The following KIAA1549 variants were observed in gnomAD, a reference collection of about 807,000 sequenced individuals.
The protein encoded by KIAA1549 is UPF0606 protein KIAA1549.
A neutral mutation model predicts 156.4 loss-of-function variants in KIAA1549; 70 were observed. The ratio of observed to expected loss-of-function variants is 0.45; its 90% CI spans 0.37 to 0.55. The LOEUF (loss-of-function observed/expected upper bound fraction) is 0.55. Among genes scored for constraint, KIAA1549 ranks in the 20% least tolerant of loss-of-function variants. The pLI is 0.00. For synonymous variants in KIAA1549, 1,103 were observed against 1,066.4 expected, an observed-to-expected ratio of 1.03 and a Z score of -0.67; for missense variants, 2,428 against 2,540.9, an observed-to-expected ratio of 0.96 and a Z score of 0.96.
intron 1 of KIAA1549, among the ~76,000 whole-genome samples, chr7:138,943,576 G>A (rs142633705): frequency 6.0e-4 from 92 of 152,244 alleles, no homozygotes; most frequent in African/African-American, 2.1e-3. Flanking sequence ...CTCGCCAGGC[G>A]CAGTGGCTCA....
chr7:138,917,277 C>T lies in KIAA1549; in HGVS notation c.2349G>A (p.Gly783=). The T allele has an allele frequency of 1.2e-6, 2 of 1,613,870 alleles. No individual in the cohort carries two copies. Among genetic ancestry groups the T allele is most frequent in the Non-Finnish European group, 1.7e-6 (2 of 1,179,826 alleles). ...GSESFDILTA[G]IQATSPLTTV... Reference sequence around the variant, plus strand: ...TGGTCAATGGTGATGTTGCTTGAATCCCGGCAGTCAAAATGTCAAAAGACT... The same window carrying T: ...TGGTCAATGGTGATGTTGCTTGAATTCCGGCAGTCAAAATGTCAAAAGACT... The change falls in exon 2 of 20, where the codon GGG becomes GGA. Residue 783 remains glycine, a synonymous_variant. Transcript: ENST00000422774.
intron 8 of KIAA1549, among the ~76,000 whole-genome samples, chr7:138,900,687 G>A (rs771439722): frequency 1.3e-5 from 2 of 152,286 alleles, no homozygotes; most frequent in East Asian, 1.9e-4. Context: ...TGCTGTCCTC[G>A]AGGTAATGAG....
Position 138,917,684 on chromosome 7 carries a change from G to C in KIAA1549, c.1942C>G (p.Leu648Val). ...GACAAGTCACTCGGCATCAGAGACA[G>C]AGACGCAGGTGCTTCCGAAGGCGAA... Reference protein sequence around the residue: ...ISSPSEAPASLSLMPSDLSPF... With the variant: ...ISSPSEAPASVSLMPSDLSPF... Residue 648 changes from leucine to valine, a missense_variant, in exon 2 of 20, where the codon CTG becomes GTG. Physicochemically the swap from Leu to Val is conservative, Grantham distance 32. This residue lies in a region of KIAA1549 where 893 missense variants were observed against 847.9 expected (regional missense o/e 1.05). Coordinates refer to ENST00000422774, the MANE Select transcript of KIAA1549 (RefSeq NM_001164665.2). 6.2e-7 allele frequency: 1 copy of C among 1,610,318 alleles called. No homozygotes were observed.
intron 1 of KIAA1549, among the ~76,000 whole-genome samples, chr7:138,929,570 G>A (rs1812814570): frequency 6.6e-6 from 1 of 152,046 alleles, no homozygotes; most frequent in African/African-American, 2.4e-5. Flanking sequence ...TATTCTTTAT[G>A]GCATCTAGAA....
At chr7:138,843,323 C>G (rs1337743046) in intron 18 of KIAA1549, among the ~76,000 whole-genome samples, 3 of 152,148 alleles carry the variant, frequency 2.0e-5, no homozygotes, top group African/African-American at 7.2e-5. Flanking sequence ...AATTTAAAAA[C>G]TGGACCTTTT....
Position 138,836,256 on chromosome 7 carries a change from TA to T in KIAA1549, c.*1649del, listed in dbSNP as rs916425109. On this transcript the variant is annotated 3_prime_UTR_variant, in exon 20 of 20. Transcript: ENST00000422774. ...AGATTATAAAATTGTATTTTTACCA[TA>T]CCTTTTCTATGTTTAGCTATGTTTA... is the stretch of plus-strand genomic sequence containing the variant. 1.2e-4 allele frequency: 24 copies of T among 203,212 alleles called. No homozygotes were observed. The highest frequency in any genetic ancestry group is 2.1e-4 in the Non-Finnish European group (21 of 99,004). 12.6% of individuals were successfully genotyped at this position (203,212 alleles called of 1,614,324 possible).
intron 16 of KIAA1549, among the ~76,000 whole-genome samples, chr7:138,854,088 A>G (rs1810309718): frequency 6.6e-6 from 1 of 152,230 alleles, no homozygotes; most frequent in Non-Finnish European, 1.5e-5. Flanking sequence ...AAAATGACAG[A>G]CAGAATTTCT....
chr7:138,917,976 T>C lies in KIAA1549; in HGVS notation c.1650A>G (p.Pro550=), dbSNP rs768614013. 1 of 1,593,342 alleles carries C rather than the reference T, an allele frequency of 6.3e-7. No homozygotes were observed. ...SLSVAETQVT[P]SSVTTAFFSV... ...AGAAAAATGCAGTGGTCACGCTGGA[T>C]GGCGTCACTTGGGTTTCAGCAACAG... Residue 550 remains proline, a synonymous_variant, in exon 2 of 20, where the codon CCA becomes CCG. Coordinates refer to ENST00000422774, the MANE Select transcript of KIAA1549 (RefSeq NM_001164665.2).
At chr7:138,958,540 C>A (rs1320068575) in intron 1 of KIAA1549, among the ~76,000 whole-genome samples, 1 of 152,164 alleles carries the variant, frequency 6.6e-6, no homozygotes, top group African/African-American at 2.4e-5. Flanking sequence ...TATATAACTT[C>A]CCAGCTGTAA....
intron 11 of KIAA1549, among the ~76,000 whole-genome samples, chr7:138,880,368 C>A (rs1474071423): frequency 6.6e-6 from 1 of 152,162 alleles, no homozygotes. Flanking sequence ...ATTAAATAAT[C>A]TTCAATGATT....
chr7:138,929,541 GTCTC>G (rs1812814301), intron 1 of KIAA1549, among the ~76,000 whole-genome samples: 1 of 152,112 alleles, frequency 6.6e-6, no homozygotes, highest in African/African-American at 2.4e-5. Flanking sequence ...TATTTTGGCT[GTCTC>G]TCATAAATCA....
chr7:138,858,179 G>C (rs1384539309), intron 16 of KIAA1549, among the ~76,000 whole-genome samples: 3 of 151,692 alleles, frequency 2.0e-5, no homozygotes. Flanking sequence ...GGAGTGCAGT[G>C]GTGCAATCAT....
At position 138,917,705 on chromosome 7, in the gene KIAA1549, G is replaced by A. The variant is rs762310770; in HGVS notation, c.1921C>T (p.Pro641Ser). ...GACAGAGACGCAGGTGCTTCCGAAG[G>A]CGAAGAGATGGAGCCGCTGAGTTCC... ...PLELSGSISS[P>S]SEAPASLSLM... Residue 641 changes from proline to serine, a missense_variant, in exon 2 of 20, where the codon CCT (proline) becomes TCT (serine). Coordinates refer to ENST00000422774, the MANE Select transcript of KIAA1549 (RefSeq NM_001164665.2). The A allele has an allele frequency of 1.2e-5, 20 of 1,602,802 alleles. No homozygotes were observed. In the South Asian group the frequency reaches 2.0e-4, roughly 16 times the overall value.
At position 138,917,992 on chromosome 7, in the gene KIAA1549, T is replaced by G. The variant is rs757417143; in HGVS notation, c.1634A>C (p.Glu545Ala). 6.3e-7 allele frequency: 1 copy of G among 1,598,560 alleles called. No homozygotes were observed. The highest frequency in any genetic ancestry group is 1.3e-5 in the African/African-American group (1 of 74,616). The change falls in exon 2 of 20, where the codon GAA becomes GCA. Residue 545 changes from glutamate (E) to alanine (A), a missense_variant. By Grantham distance (107) the Glu-to-Ala change is moderately radical. Transcript: ENST00000422774. ...CACGCTGGATGGCGTCACTTGGGTT[T>G]CAGCAACAGACAAGGAGCCAGCAGT... is the stretch of plus-strand genomic sequence containing the variant. ...DPTAGSLSVA[E>A]TQVTPSSVTT...
rs1387892025 is a variant in KIAA1549, at chr7:138,834,640, TGAAG to T, written c.*3262_*3265del. On this transcript the variant is annotated 3_prime_UTR_variant, in exon 20 of 20. Transcript: ENST00000422774. ...TTAATAAATGCAATCGGAAAATTGG[TGAAG>T]GAAGTGAAATTAAAGCAAAATGGGA... The T allele has an allele frequency of 4.7e-5, 11 of 232,058 alleles. No homozygotes were observed. In the East Asian group the frequency reaches 6.1e-4, roughly 13 times the overall value. 14.4% of individuals were successfully genotyped at this position (232,058 alleles called of 1,614,324 possible). A position where few individuals can be genotyped will look rare whatever the true frequency, so the allele number is the denominator to read the frequency against.
chr7:138,976,267 G>A (rs552224467), intron 1 of KIAA1549, among the ~76,000 whole-genome samples: 6 of 152,064 alleles, frequency 3.9e-5, no homozygotes, highest in African/African-American at 9.7e-5. Flanking sequence ...AGTAGAGACC[G>A]GGTTTCACCA....
At chr7:138,909,372 G>C (rs1409456288) in intron 4 of KIAA1549, among the ~76,000 whole-genome samples, 4 of 152,112 alleles carry the variant, frequency 2.6e-5, no homozygotes, top group Non-Finnish European at 5.9e-5. Context: ...ATAAGAATTT[G>C]AGTATCAAAA....
intron 1 of KIAA1549, among the ~76,000 whole-genome samples, chr7:138,950,118 G>C (rs1336098863): frequency 6.6e-6 from 1 of 152,144 alleles, no homozygotes; most frequent in Non-Finnish European, 1.5e-5. Flanking sequence ...AACTGGAAGG[G>C]GACATGAGAG....
rs1301469146 is a variant in KIAA1549 at position 138,836,166 on chromosome 7, TAC to T, written c.*1738_*1739del. ...CCCTTATCTGTTATTTAATGAAAAG[TAC>T]AGTCATGCACACATCAGGATGTTTT... On this transcript the variant is annotated 3_prime_UTR_variant, in exon 20 of 20. Transcript: ENST00000422774. 4.8e-6 allele frequency: 1 copy of T among 209,770 alleles called. No homozygotes were observed. Among genetic ancestry groups the T allele is most frequent in the Non-Finnish European group, 9.7e-6 (1 of 103,256 alleles). 13.0% of individuals were successfully genotyped at this position (209,770 alleles called of 1,614,324 possible).
Sources: gnomAD v4.1 joint callset for allele counts (sites outside exome capture counted in the v4.1 genomes callset) on GRCh38, gnomAD v4.1.1 for gene constraint, gnomAD v4.1.1 regional missense constraint, MANE v1.5 for transcripts, NCBI Gene and HGNC (gene_info 2026-07-23, HGNC 2026-07-21) for gene names.